The following KIAA1210 variants were observed in gnomAD, a reference collection of about 807,000 sequenced individuals.
The protein encoded by KIAA1210 is KIAA1210.
Under a neutral mutation model 78.9 loss-of-function variants are expected in KIAA1210, and 48 were observed. That is an observed-to-expected ratio of 0.61 (90% CI 0.48 to 0.77). The LOEUF (loss-of-function observed/expected upper bound fraction) is 0.77. KIAA1210 is among the 30% of genes least tolerant of loss of function. The probability of loss-of-function intolerance (pLI) is 0.00; values close to 1 mark genes in which losing one functional copy is unlikely to be tolerated. For missense variants in KIAA1210, 1,108 were observed against 1,100.0 expected (o/e 1.01, Z -0.10); for synonymous variants, 406 against 404.5 (o/e 1.00, Z -0.04).
Position 119,089,549 on chromosome X carries a change from T to C in KIAA1210, c.1153A>G (p.Ser385Gly). The change falls in exon 9 of 12, where the codon AGT becomes GGT. Residue 385 changes from serine (S) to glycine (G), a missense_variant. By Grantham distance (56) the Ser-to-Gly change is moderately conservative. This residue lies in a region of KIAA1210 where 672 missense variants were observed against 607.1 expected (regional missense o/e 1.11). Coordinates refer to ENST00000691062, the MANE Select transcript of KIAA1210 (RefSeq NM_001394962.1). ...CTATCGCCCAGGCCATACCCTTCAC[T>C]GGATTGTTTAAGGCTTCTTCCTTTG... is the stretch of plus-strand genomic sequence containing the variant. ...EFKGRSLKQSSEGYGLGDRAG... is the reference protein window; with the variant it reads ...EFKGRSLKQSGEGYGLGDRAG... 1.7e-6 allele frequency: 2 copies of C among 1,211,616 alleles called. No homozygotes were observed. Among genetic ancestry groups the C allele is most frequent in the Non-Finnish European group, 2.2e-6 (2 of 895,367 alleles).
intron 1 of KIAA1210, among the ~76,000 whole-genome samples, chrX:119,124,888 CAA>C (rs372888063): frequency 1.0e-4 from 7 of 70,338 alleles, no homozygotes; most frequent in Non-Finnish European, 5.6e-5. Context: ...GACCCTGTCT[CAA>C]AAAAAAAAAA....
In KIAA1210 at chrX:119,138,224, T is replaced by G. The variant is rs1045496527; in HGVS notation, c.410+9249A>C. 4.6e-5 allele frequency among the ~76,000 whole-genome samples: 4 copies of G among 87,888 alleles called. No homozygotes were observed. In the East Asian group the frequency reaches 1.4e-3, roughly 31 times the overall value. The allele number at this position is 87,888 out of a possible 115,157, so 76.3% of individuals were successfully genotyped here. A position where few individuals can be genotyped will look rare whatever the true frequency, so the allele number is the denominator to read the frequency against. On this transcript the variant is annotated intron_variant, in intron 2 of 13. Coordinates refer to the KIAA1210 transcript ENST00000402510. ...TTTGGTTTGGTTGTTTTTTTTTTTTTTTTTTTTTTTTTGAGATGGTGTCTC... is the reference window on the plus strand; with the variant it reads ...TTTGGTTTGGTTGTTTTTTTTTTTTGTTTTTTTTTTTTGAGATGGTGTCTC...
chrX:119,111,946 C>T (rs763580989), intron 3 of KIAA1210, among the ~76,000 whole-genome samples: 1 of 110,627 alleles, frequency 9.0e-6, no homozygotes, highest in Non-Finnish European at 1.9e-5. Flanking sequence ...GCTCTGTGTC[C>T]CCACCCAAAT....
rs192055288 is a variant in KIAA1210, at chrX:119,108,584, G to T, written c.358-113C>A. ...GGTGTGTTAAGAGAAGTGAATATAG[G>T]CCAGGCACGGTGGCTCGCGCATGTA... is the stretch of plus-strand genomic sequence containing the variant. On this transcript the variant is annotated intron_variant, in intron 4 of 11. Coordinates refer to ENST00000691062, the MANE Select transcript of KIAA1210 (RefSeq NM_001394962.1). 80 of 911,540 alleles carry T rather than the reference G, an allele frequency of 8.8e-5. No individual in the cohort carries two copies. In the East Asian group the frequency reaches 2.7e-3, roughly 31 times the overall value. 75.1% of individuals were successfully genotyped at this position (911,540 alleles called of 1,213,427 possible). A position where few individuals can be genotyped will look rare whatever the true frequency, so the allele number is the denominator to read the frequency against.
rs1257970746 is a variant in KIAA1210, at chrX:119,125,737, T to TATATATATATATA, written c.-11+1989_-11+1990insTATATATATATAT. Among the ~76,000 whole-genome samples, 16 of 9,975 alleles carry TATATATATATATA rather than the reference T, an allele frequency of 1.6e-3. No individual in the cohort carries two copies. In the East Asian group the frequency reaches 0.028, roughly 17 times the overall value. The allele number at this position is 9,975 out of a possible 115,157, so 8.7% of individuals were successfully genotyped here. ...TACATATATATATATATATATATATTTTTTTTTTTTTTTTTTTGGAGAGAT... is the reference window on the plus strand; with the variant it reads ...TACATATATATATATATATATATATTATATATATATATATTTTTTTTTTTTTTTTTGGAGAGAT... On this transcript the variant is annotated intron_variant, in intron 1 of 11. Coordinates refer to ENST00000691062, the MANE Select transcript of KIAA1210 (RefSeq NM_001394962.1).
chrX:119,086,534 T>G lies in KIAA1210; in HGVS notation c.4156+12A>C. ...GATATCTGCTTGCCATCTGGAGAGATAAAAGCCTTACCTGGGGTCTTGCAA... is the reference window on the plus strand; with the variant it reads ...GATATCTGCTTGCCATCTGGAGAGAGAAAAGCCTTACCTGGGGTCTTGCAA... On this transcript the variant is annotated intron_variant, in intron 9 of 11. Transcript: ENST00000691062. The G allele has an allele frequency of 1.7e-6, 2 of 1,185,249 alleles. No homozygotes were observed. Among genetic ancestry groups the G allele is most frequent in the Non-Finnish European group, 2.3e-6 (2 of 883,994 alleles).
intron 4 of KIAA1210, 103 bp downstream of exon 4, chrX:119,108,973 G>T: frequency 1.1e-6 from 1 of 881,998 alleles, no homozygotes; most frequent in Non-Finnish European, 1.6e-6. Context: ...GATCAGCTGA[G>T]AAGCAGAACC....
Position 119,115,002 on chromosome X carries a change from A to G in KIAA1210, c.230+1494T>C, listed in dbSNP as rs192436012. The stretch of plus-strand genomic sequence containing the variant: ...CATTCCATCAGATACGGCTTAATAC[A>G]GTCTTGGAAATAGATGCTGGTCCTA... On this transcript the variant is annotated intron_variant, in intron 3 of 11. Coordinates refer to ENST00000691062, the MANE Select transcript of KIAA1210 (RefSeq NM_001394962.1). Among the ~76,000 whole-genome samples the G allele has an allele frequency of 3.6e-5, 4 of 112,319 alleles. No homozygotes were observed. In the Admixed American group the frequency reaches 3.8e-4, roughly 11 times the overall value.
intron 11 of KIAA1210, among the ~76,000 whole-genome samples, chrX:119,082,508 G>A (rs1926996760): frequency 8.9e-6 from 1 of 112,398 alleles, no homozygotes; most frequent in Non-Finnish European, 1.9e-5. Context: ...TCCCAGCAGA[G>A]TATTCCTCTC....
chrX:119,130,725 G>A (rs1418147261), upstream of KIAA1210, among the ~76,000 whole-genome samples: 1 of 112,414 alleles, frequency 8.9e-6, no homozygotes, highest in East Asian at 2.8e-4. Context: ...AATGAGGGAA[G>A]AGGAACTATA....
chrX:119,134,686 C>T (rs1928872016), intron 2 of KIAA1210, among the ~76,000 whole-genome samples: 1 of 112,027 alleles, frequency 8.9e-6, no homozygotes, highest in Admixed American at 9.5e-5. Context: ...GGAATCCACC[C>T]TCTCCACCTC....
At position 119,097,007 on chromosome X, in the gene KIAA1210, C is replaced by T. The variant is rs146209233; in HGVS notation, c.649-316G>A. On this transcript the variant is annotated intron_variant, in intron 6 of 11. Coordinates refer to ENST00000691062, the MANE Select transcript of KIAA1210 (RefSeq NM_001394962.1). Reference sequence around the variant, plus strand: ...TGAGTTTGCAAAGTCAGAGAGATTGCATGTTCTCTTGTCCTAGATCCCCTT... The same window carrying T: ...TGAGTTTGCAAAGTCAGAGAGATTGTATGTTCTCTTGTCCTAGATCCCCTT... Among the ~76,000 whole-genome samples, 344 of 111,635 alleles carry T rather than the reference C, an allele frequency of 3.1e-3. 4 individuals are homozygous for T. The highest frequency in any genetic ancestry group is 0.011 in the African/African-American group (327 of 30,706).
chrX:119,089,836 T>C (rs1339727548), intron 8 of KIAA1210, 90 bp from the exon 9 acceptor site: 2 of 870,794 alleles, frequency 2.3e-6, no homozygotes, highest in Admixed American at 6.3e-5. Flanking sequence ...GTGGTACCTA[T>C]TTGCTACTAA....
At chrX:119,139,921 A>G (rs1365054454) in intron 2 of KIAA1210, among the ~76,000 whole-genome samples, 2 of 112,016 alleles carry the variant, frequency 1.8e-5, no homozygotes, top group African/African-American at 6.5e-5. Flanking sequence ...ACTAGCTGTG[A>G]GGCCTGGGGC....
intron 2 of KIAA1210, among the ~76,000 whole-genome samples, chrX:119,118,207 GA>G (rs1488266791): frequency 8.9e-6 from 1 of 111,778 alleles, no homozygotes; most frequent in Admixed American, 9.5e-5. Flanking sequence ...CACCATCCAA[GA>G]GTCAGAAAAT....
chrX:119,083,947 T>C lies in KIAA1210; in HGVS notation c.4321-827A>G, dbSNP rs1260957491. The stretch of plus-strand genomic sequence containing the variant: ...CTGGGAGGTTGACACTACAGTGAGC[T>C]GTGATTGCACCACTGCACTCCAGCC... On this transcript the variant is annotated intron_variant, in intron 10 of 11. Transcript: ENST00000691062. Among the ~76,000 whole-genome samples, 5 of 90,691 alleles carry C rather than the reference T, an allele frequency of 5.5e-5. No homozygotes were observed. The Admixed American group carries it at 7.4e-4, about 13-fold the overall frequency. The allele number at this position is 90,691 out of a possible 115,157, so 78.8% of individuals were successfully genotyped here. A position where few individuals can be genotyped will look rare whatever the true frequency, so the allele number is the denominator to read the frequency against.
Position 119,127,733 on chromosome X carries a change from T to C in KIAA1210, c.-17A>G, listed in dbSNP as rs1030257059. Among the ~76,000 whole-genome samples the C allele has an allele frequency of 8.9e-6, 1 of 112,052 alleles. No individual in the cohort carries two copies. The highest frequency in any genetic ancestry group is 3.2e-5 in the African/African-American group (1 of 30,806). ...AAGAGTTATCTATACTTACTGCCTT[T>C]ATGTCCTCACTTTCTATTCTCGTGA... is the stretch of plus-strand genomic sequence containing the variant. On this transcript the variant is annotated 5_prime_UTR_variant, in exon 1 of 12. In the 5' UTR this introduces an upstream ATG that the reference lacks. Coordinates refer to ENST00000691062, the MANE Select transcript of KIAA1210 (RefSeq NM_001394962.1).
intron 2 of KIAA1210, among the ~76,000 whole-genome samples, chrX:119,134,662 G>A (rs1230655028): frequency 8.9e-6 from 1 of 111,993 alleles, no homozygotes; most frequent in Non-Finnish European, 1.9e-5. Context: ...CACACTAGAA[G>A]GCCAAAGAAT....
At chrX:119,084,416 TGCCCAG>T (rs1927068633) in intron 10 of KIAA1210, among the ~76,000 whole-genome samples, 1 of 111,933 alleles carries the variant, frequency 8.9e-6, no homozygotes, top group African/African-American at 3.2e-5. Context: ...TACAGAAAAG[TGCCCAG>T]AAATAAAATG....
Sources: allele counts gnomAD v4.1 joint callset (sites outside exome capture counted in the v4.1 genomes callset), GRCh38; gene constraint gnomAD v4.1.1; regional missense constraint gnomAD v4.1.1; transcripts MANE v1.5; gene names NCBI Gene and HGNC (gene_info 2026-07-23, HGNC 2026-07-21).